The following NPAS3 variants were observed in gnomAD, a reference collection of about 807,000 sequenced individuals.
NPAS3 encodes the protein neuronal PAS domain-containing protein 3.
Under a neutral mutation model 73.1 loss-of-function variants are expected in NPAS3, and 14 were observed. That is an observed-to-expected ratio of 0.19 (90% CI 0.13 to 0.30). The LOEUF (loss-of-function observed/expected upper bound fraction) is 0.30. Among genes scored for constraint, NPAS3 ranks in the 10% least tolerant of loss-of-function variants. The pLI, the probability that NPAS3 is intolerant of heterozygous loss-of-function variation, is 1.00. For synonymous variants in NPAS3, 620 were observed against 541.5 expected (o/e 1.14, Z -2.01); for missense variants, 1,096 against 1,250.0 (o/e 0.88, Z 1.86).
At chr14:33,694,490 T>A (rs951374032) in intron 6 of NPAS3, among the ~76,000 whole-genome samples, 1 of 152,170 alleles carries the variant, frequency 6.6e-6, no homozygotes. Context: ...AAAGGAGCTC[T>A]TCCCATTGGT....
At chr14:33,712,346 C>A (rs556453025) in intron 6 of NPAS3, among the ~76,000 whole-genome samples, 20 of 152,290 alleles carry the variant, frequency 1.3e-4, no homozygotes, top group African/African-American at 4.8e-4. Context: ...ATAACACACA[C>A]GCATTCAAGT....
Position 33,364,787 on chromosome 14 carries a change from C to G in NPAS3, c.386-2399C>G, listed in dbSNP as rs540716773. Among the ~76,000 whole-genome samples, 517 of 152,104 alleles carry G rather than the reference C, an allele frequency of 3.4e-3. 4 individuals carry two copies. The highest frequency in any genetic ancestry group is 0.012 in the African/African-American group (493 of 41,478). ...GAATAACCGCCCCACCCCCCACACC[C>G]CCACTGAAGACAACAGCGTCTATGC... On this transcript the variant is annotated intron_variant, in intron 3 of 11. Coordinates refer to ENST00000356141, the Ensembl canonical transcript of NPAS3.
chr14:33,325,424 T>C (rs565513231), intron 3 of NPAS3, among the ~76,000 whole-genome samples: 4 of 152,212 alleles, frequency 2.6e-5, no homozygotes, highest in South Asian at 4.2e-4. Flanking sequence ...GGTGGGTGGA[T>C]CACTTGAAGT....
intron 2 of NPAS3, among the ~76,000 whole-genome samples, chr14:33,095,684 T>G (rs1433420880): frequency 1.5e-5 from 2 of 133,638 alleles, no homozygotes; most frequent in Non-Finnish European, 3.2e-5. Flanking sequence ...TTTTTTTTTT[T>G]TTGAGAGGGA....
chr14:33,324,771 C>T (rs1339813444), intron 3 of NPAS3, among the ~76,000 whole-genome samples: 3 of 151,990 alleles, frequency 2.0e-5, no homozygotes, highest in African/African-American at 7.3e-5. Context: ...TTTGAGAACT[C>T]CTGAATACTT....
chr14:33,049,335 C>G (rs564936314), intron 1 of NPAS3, among the ~76,000 whole-genome samples: 1 of 152,232 alleles, frequency 6.6e-6, no homozygotes, highest in East Asian at 1.9e-4. Flanking sequence ...TATCCGATGT[C>G]TATATTAGTC....
intron 4 of NPAS3, among the ~76,000 whole-genome samples, chr14:33,413,868 T>C (rs1048632179): frequency 6.6e-6 from 1 of 152,142 alleles, no homozygotes; most frequent in Non-Finnish European, 1.5e-5. Context: ...AATTTCCTTC[T>C]TTCTGGATGG....
chr14:33,027,344 C>T (rs538856212), intron 1 of NPAS3, among the ~76,000 whole-genome samples: 11 of 152,078 alleles, frequency 7.2e-5, no homozygotes, highest in Admixed American at 2.0e-4. Context: ...AGGAGGAATA[C>T]GAATCGTTGG....
At chr14:33,287,562 A>G (rs1434804557) in intron 3 of NPAS3, among the ~76,000 whole-genome samples, 2 of 152,118 alleles carry the variant, frequency 1.3e-5, no homozygotes, top group Non-Finnish European at 2.9e-5. Context: ...CTTCCAAGTT[A>G]AATTACTAAT....
At chr14:33,002,358 A>T (rs915546540) in intron 1 of NPAS3, among the ~76,000 whole-genome samples, 1 of 152,102 alleles carries the variant, frequency 6.6e-6, no homozygotes, top group Non-Finnish European at 1.5e-5. Flanking sequence ...AGAGATTTGG[A>T]TAGGTGTTTT....
intron 4 of NPAS3, among the ~76,000 whole-genome samples, chr14:33,401,806 G>A (rs2047456788): frequency 6.6e-6 from 1 of 152,008 alleles, no homozygotes; most frequent in Non-Finnish European, 1.5e-5. Context: ...ATGAACAACT[G>A]CCTAACACCC....
chr14:33,205,516 A>G (rs1594389642), intron 2 of NPAS3, among the ~76,000 whole-genome samples: 1 of 152,194 alleles, frequency 6.6e-6, no homozygotes, highest in Non-Finnish European at 1.5e-5. Flanking sequence ...GCAACCATAC[A>G]TGTGCTTTTG....
At chr14:33,401,955 A>G (rs1242214960) in intron 4 of NPAS3, among the ~76,000 whole-genome samples, 1 of 152,108 alleles carries the variant, frequency 6.6e-6, no homozygotes, top group African/African-American at 2.4e-5. Context: ...AGTTTTTCTA[A>G]GTTAGAGGAA....
At chr14:33,344,708 T>A (rs1357811694) in intron 3 of NPAS3, among the ~76,000 whole-genome samples, 1 of 152,242 alleles carries the variant, frequency 6.6e-6, no homozygotes, top group East Asian at 1.9e-4. Context: ...AGCAATTTTG[T>A]CAATTTATAT....
In NPAS3 at chr14:33,287,922, T is replaced by C. The variant is rs567487200; in HGVS notation, c.385+72496T>C. On this transcript the variant is annotated intron_variant, in intron 3 of 11. Transcript: ENST00000356141. ...TTGTACTTGTCAACTTATTGTTTTA[T>C]TATGTTTGCAAGTAACTTTGTGTAT... is the stretch of plus-strand genomic sequence containing the variant. 1.3e-4 allele frequency among the ~76,000 whole-genome samples: 20 copies of C among 152,318 alleles called. No individual in the cohort carries two copies. The South Asian group carries it at 1.9e-3, about 14-fold the overall frequency.
chr14:32,994,360 A>C (rs2038464133), intron 1 of NPAS3, among the ~76,000 whole-genome samples: 1 of 152,184 alleles, frequency 6.6e-6, no homozygotes, highest in African/African-American at 2.4e-5. Context: ...AATTATGACA[A>C]GTGAATACTA....
intron 1 of NPAS3, among the ~76,000 whole-genome samples, chr14:33,054,835 A>G (rs1343011774): frequency 6.6e-6 from 1 of 151,998 alleles, no homozygotes; most frequent in Non-Finnish European, 1.5e-5. Flanking sequence ...GATGGTCTTG[A>G]TCTCCTGACC....
intron 3 of NPAS3, among the ~76,000 whole-genome samples, chr14:33,257,502 G>T (rs1250383102): frequency 1.3e-5 from 2 of 152,184 alleles, no homozygotes; most frequent in Non-Finnish European, 2.9e-5. Context: ...TATTCAGTAA[G>T]TCTAAGGAGT....
At chr14:33,300,732 G>A (rs2042495972) in intron 3 of NPAS3, among the ~76,000 whole-genome samples, 1 of 152,124 alleles carries the variant, frequency 6.6e-6, no homozygotes, top group African/African-American at 2.4e-5. Context: ...TTGTAGGGGA[G>A]GGGTTGGGGG....
Sources: gnomAD v4.1 joint callset for allele counts (sites outside exome capture counted in the v4.1 genomes callset) on GRCh38, gnomAD v4.1.1 for gene constraint, MANE v1.5 for transcripts, NCBI Gene and HGNC (gene_info 2026-07-23, HGNC 2026-07-21) for gene names.